The following MYOM1 variants were observed in gnomAD, a reference collection of about 807,000 sequenced individuals.
MYOM1 encodes the protein myomesin 1.
In MYOM1, 164 loss-of-function variants were observed where a neutral mutation model predicts 205.3. That is an observed-to-expected ratio of 0.80 (90% CI 0.70 to 0.91). The LOEUF (loss-of-function observed/expected upper bound fraction) is 0.91. Ranked by LOEUF, MYOM1 falls within the 40% of genes least tolerant of loss-of-function variation. MYOM1 has a pLI of 0.00. For missense variants in MYOM1, 2,011 were observed against 2,127.3 expected, an observed-to-expected ratio of 0.95 and a Z score of 1.08; for synonymous variants, 772 against 789.4, an observed-to-expected ratio of 0.98 and a Z score of 0.37.
intron 22 of MYOM1, among the ~76,000 whole-genome samples, chr18:3,107,706 A>G (rs1387094588): frequency 2.0e-5 from 3 of 152,244 alleles, no homozygotes; most frequent in Non-Finnish European, 4.4e-5. Flanking sequence ...AAAATTACCA[A>G]TGAAACCGCC....
At chr18:3,192,096 T>C (rs1039235895) in intron 3 of MYOM1, among the ~76,000 whole-genome samples, 5 of 152,046 alleles carry the variant, frequency 3.3e-5, no homozygotes, top group African/African-American at 7.2e-5. Flanking sequence ...GGAGAAGATG[T>C]TAGGAGTAAG....
intron 37 of MYOM1, among the ~76,000 whole-genome samples, chr18:3,071,443 C>T (rs1567888958): frequency 1.3e-5 from 2 of 152,126 alleles, no homozygotes; most frequent in Admixed American, 6.5e-5. Context: ...ACTGTAACCT[C>T]CACCTCCCAG....
At chr18:3,156,339 T>C (rs1034924423) in intron 10 of MYOM1, among the ~76,000 whole-genome samples, 1 of 152,202 alleles carries the variant, frequency 6.6e-6, no homozygotes, top group Non-Finnish European at 1.5e-5. Context: ...GTAACTCTTA[T>C]GAGTTACAAG....
chr18:3,221,231 G>T (rs2081326687), upstream of MYOM1, among the ~76,000 whole-genome samples: 1 of 152,020 alleles, frequency 6.6e-6, no homozygotes, highest in Non-Finnish European at 1.5e-5. Flanking sequence ...TGTTGCCCAG[G>T]CTGGTCTCAA....
chr18:3,213,143 C>A (rs73377266), intron 2 of MYOM1, among the ~76,000 whole-genome samples: 7,384 of 152,238 alleles, frequency 0.049, 314 homozygotes, highest in African/African-American at 0.11. Context: ...ACAGGGATTT[C>A]GGAATTTCTG....
At position 3,080,332 on chromosome 18, in the gene MYOM1, T is replaced by C. The variant is rs2079070096; in HGVS notation, c.4485-990A>G. On this transcript the variant is annotated intron_variant, in intron 33 of 37. Transcript: ENST00000356443. Reference sequence around the variant, plus strand: ...AAATGTATTTTCTGAAACAAGCATGTCTTACGTCTGTTGTAATAAACAAAA... The same window carrying C: ...AAATGTATTTTCTGAAACAAGCATGCCTTACGTCTGTTGTAATAAACAAAA... Among the ~76,000 whole-genome samples the C allele has an allele frequency of 2.0e-5, 3 of 152,152 alleles. 1 individual carries two copies. In the South Asian group the frequency reaches 6.2e-4, roughly 32 times the overall value.
intron 37 of MYOM1, among the ~76,000 whole-genome samples, chr18:3,068,149 T>C (rs1367247552): frequency 3.9e-5 from 6 of 152,238 alleles, no homozygotes; most frequent in Non-Finnish European, 5.9e-5. Flanking sequence ...TGAAACCTTA[T>C]TCTAAAAGAT....
At chr18:3,083,595 A>ATTTTTTTTTTT (rs59299057) in intron 33 of MYOM1, among the ~76,000 whole-genome samples, 194 bp downstream of exon 33, 4 of 107,152 alleles carry the variant, frequency 3.7e-5, no homozygotes, top group East Asian at 2.7e-4. Context: ...CGCCCAGCTC[A>ATTTTTTTTTTT]TTTTTTTTTT....
At position 3,193,922 on chromosome 18, in the gene MYOM1, T is replaced by A. The variant is rs771629164; in HGVS notation, c.327A>T (p.Ser109=). 6.2e-7 allele frequency: 1 copy of A among 1,613,762 alleles called. No individual in the cohort carries two copies. The highest frequency in any genetic ancestry group is 2.2e-5 in the East Asian group (1 of 44,856). ...TDSSLLLDDY[S]SKLSPKPKRA... ...TCTTTGGTTTGGGGCTCAACTTGGA[T>A]GAATAATCATCTAACAGCAGACTGG... Residue 109 remains serine (S), a synonymous_variant, in exon 3 of 38, where the codon TCA becomes TCT. Coordinates refer to ENST00000356443, the MANE Select transcript of MYOM1 (RefSeq NM_003803.4).
At chr18:3,196,295 A>T (rs2080989696) in intron 2 of MYOM1, among the ~76,000 whole-genome samples, 1 of 152,206 alleles carries the variant, frequency 6.6e-6, no homozygotes, top group Non-Finnish European at 1.5e-5. Flanking sequence ...TACTCTATCA[A>T]ATTTTAAAGT....
chr18:3,145,669 G>A (rs879672837), intron 13 of MYOM1, among the ~76,000 whole-genome samples: 9 of 151,966 alleles, frequency 5.9e-5, no homozygotes, highest in Non-Finnish European at 8.8e-5. Context: ...AAATGCATGC[G>A]TTATAAAAGA....
intron 13 of MYOM1, 106 bp from the exon 14 acceptor site, chr18:3,142,169 C>T: frequency 1.5e-6 from 2 of 1,341,406 alleles, no homozygotes; most frequent in South Asian, 2.9e-5. Context: ...AATTATGTCT[C>T]CACAGTTTAA....
intron 12 of MYOM1, 144 bp downstream of exon 12, chr18:3,151,550 C>A (rs1233938523): frequency 1.8e-6 from 1 of 547,720 alleles, no homozygotes; most frequent in East Asian, 3.2e-5. Flanking sequence ...AGGATTCTCC[C>A]CCTCGGATTT....
At chr18:3,107,357 TCCAC>T (rs1275291012) in intron 22 of MYOM1, among the ~76,000 whole-genome samples, 1 of 152,192 alleles carries the variant, frequency 6.6e-6, no homozygotes. Flanking sequence ...GATCTCATGA[TCCAC>T]CCACCTTGGC....
Position 3,084,984 on chromosome 18 carries a change from T to A in MYOM1, c.4339+61A>T, listed in dbSNP as rs80003627. 5,580 of 1,264,856 alleles carry A rather than the reference T, an allele frequency of 4.4e-3. 184 individuals carry two copies. The African/African-American group carries it at 0.074, about 17-fold the overall frequency. 78.4% of individuals were successfully genotyped at this position (1,264,856 alleles called of 1,614,324 possible). On this transcript the variant is annotated intron_variant, in intron 31 of 37. Coordinates refer to ENST00000356443, the MANE Select transcript of MYOM1 (RefSeq NM_003803.4). ...TCAATCGTCAGCTCGGCCTCAATCA[T>A]CATTCTGGTAAGCTGTATGCAGAAA...
At chr18:3,198,718 G>A (rs2081025821) in intron 2 of MYOM1, among the ~76,000 whole-genome samples, 1 of 151,928 alleles carries the variant, frequency 6.6e-6, no homozygotes, top group African/African-American at 2.4e-5. Context: ...GGAAGAGGGA[G>A]GTTGCAGTGA....
chr18:3,199,328 G>A (rs1213460825), intron 2 of MYOM1, among the ~76,000 whole-genome samples: 3 of 152,162 alleles, frequency 2.0e-5, no homozygotes, highest in Admixed American at 6.5e-5. Flanking sequence ...CAGGCTTGGG[G>A]CAAGCAGCAG....
At chr18:3,232,655 C>A in the MYOM1 span, among the ~76,000 whole-genome samples, 1 of 152,168 alleles carries the variant, frequency 6.6e-6, no homozygotes, top group African/African-American at 2.4e-5. Context: ...TTAAAAATGT[C>A]TACTCTTCTT....
At chr18:3,206,915 C>T (rs1013747310) in intron 2 of MYOM1, among the ~76,000 whole-genome samples, 2 of 151,950 alleles carry the variant, frequency 1.3e-5, no homozygotes, top group African/African-American at 2.4e-5. Flanking sequence ...ATAGCCTTCC[C>T]TTGGATTTTA....
Sources: allele counts gnomAD v4.1 joint callset (sites outside exome capture counted in the v4.1 genomes callset), GRCh38; gene constraint gnomAD v4.1.1; transcripts MANE v1.5; gene names NCBI Gene and HGNC (gene_info 2026-07-23, HGNC 2026-07-21).